ZNF320: variants seen among roughly 807,000 people sequenced by gnomAD.
ZNF320 encodes zinc finger protein 320, also known as zinc finger gene 320.
Under a neutral mutation model 6.8 loss-of-function variants are expected in ZNF320, and 2 were observed. The observed-to-expected ratio is 0.29, with a 90% CI of 0.12 to 0.93. The LOEUF (loss-of-function observed/expected upper bound fraction) is 0.93. Among genes scored for constraint, ZNF320 ranks in the 40% least tolerant of loss-of-function variants. The pLI, the probability that ZNF320 is intolerant of heterozygous loss-of-function variation, is 0.55. For missense variants in ZNF320, 472 were observed against 611.0 expected (o/e 0.77, Z 2.40); for synonymous variants, 208 against 203.2 (o/e 1.02, Z -0.20).
chr19:52,893,525 T>C (rs1467215164), intron 2 of ZNF320: 1 of 152,104 alleles, frequency 6.6e-6, no homozygotes, highest in African/African-American at 2.4e-5. Flanking sequence ...CACGCCCCTG[T>C]TGTCCCAGCT....
chr19:52,883,363 G>A (rs1047591850), intron 5 of ZNF320, among the ~76,000 whole-genome samples: 2 of 152,120 alleles, frequency 1.3e-5, no homozygotes, highest in African/African-American at 4.8e-5. Context: ...CCCAGCGGCA[G>A]TTTGTGACAT....
At chr19:52,865,618 T>C (rs1183473261) in intron 5 of ZNF320, among the ~76,000 whole-genome samples, 4 of 121,118 alleles carry the variant, frequency 3.3e-5, no homozygotes, top group Non-Finnish European at 6.5e-5. Flanking sequence ...ATTATACATA[T>C]ATATTTATAT....
downstream of ZNF320, among the ~76,000 whole-genome samples, chr19:52,871,908 G>A (rs369729985): frequency 2.6e-5 from 4 of 152,190 alleles, no homozygotes; most frequent in African/African-American, 7.2e-5. Flanking sequence ...GAAGCAACAC[G>A]TCATCACTTC....
intron 5 of ZNF320, among the ~76,000 whole-genome samples, chr19:52,886,781 C>A (rs187771276): frequency 6.6e-6 from 1 of 152,098 alleles, no homozygotes; most frequent in African/African-American, 2.4e-5. Context: ...ACTAAAAACA[C>A]AAAGTGAGCT....
At chr19:52,893,235 C>T (rs1363694788) in intron 2 of ZNF320, 1 of 152,072 alleles carries the variant, frequency 6.6e-6, no homozygotes, top group Non-Finnish European at 1.5e-5. Flanking sequence ...CCTTGTGTCA[C>T]CATATAGGCC....
At position 52,881,654 on chromosome 19, in the gene ZNF320, C is replaced by T; in HGVS notation, c.472G>A (p.Glu158Lys). 1.9e-6 allele frequency: 3 copies of T among 1,614,012 alleles called. No homozygotes were observed. Among genetic ancestry groups the T allele is most frequent in the Non-Finnish European group, 2.5e-6 (3 of 1,179,928 alleles). Residue 158 changes from glutamate (E) to lysine (K), a missense_variant, in exon 6 of 6, where the codon GAG (glutamate) becomes AAG (lysine). Around this residue, in one of 2 missense-constraint regions of ZNF320, gnomAD observed 462 missense variants for 559.7 expected, o/e 0.83. Coordinates refer to ENST00000682928, the MANE Select transcript of ZNF320 (RefSeq NM_001351774.2). ...CATTCTTCACATTTGTAAGGTTTCT[C>T]TCCAGTATGAATTCTCCTATGTCTT... Reference protein sequence around the residue: ...LRRHRRIHTGEKPYKCEECEK... With the variant: ...LRRHRRIHTGKKPYKCEECEK...
intron 5 of ZNF320, among the ~76,000 whole-genome samples, chr19:52,865,951 T>G (rs866898120): frequency 7.8e-6 from 1 of 128,044 alleles, no homozygotes; most frequent in African/African-American, 3.1e-5. Flanking sequence ...ATTTATATAT[T>G]ATACATATAT....
At chr19:52,872,962 T>C (rs1188747512), downstream of ZNF320, among the ~76,000 whole-genome samples, 1 of 152,220 alleles carries the variant, frequency 6.6e-6, no homozygotes. Flanking sequence ...GATGTGCATG[T>C]AGGCCAGGTT....
At chr19:52,859,976 A>C (rs144520317), downstream of ZNF320, among the ~76,000 whole-genome samples, 682 of 150,432 alleles carry the variant, frequency 4.5e-3, 6 homozygotes, top group African/African-American at 0.016. Context: ...GCAGTGGCGC[A>C]ATATCCGCTC....
upstream of ZNF320, among the ~76,000 whole-genome samples, chr19:52,901,761 G>A (rs950046904): frequency 2.6e-5 from 4 of 152,230 alleles, no homozygotes; most frequent in Non-Finnish European, 5.9e-5. Flanking sequence ...TTGCCTAAGA[G>A]TTAGCTTATC....
chr19:52,865,108 G>A (rs1039575880), intron 5 of ZNF320, among the ~76,000 whole-genome samples: 3 of 152,022 alleles, frequency 2.0e-5, no homozygotes, highest in Non-Finnish European at 4.4e-5. Flanking sequence ...GATCACCTGA[G>A]GTCAGGAGTT....
intron 5 of ZNF320, chr19:52,864,175 C>A: frequency 4.2e-6 from 1 of 240,076 alleles, no homozygotes; most frequent in Non-Finnish European, 8.7e-6. Context: ...ATGAGAAACA[C>A]GTTTAAATAA....
chr19:52,865,568 CATAT>C (rs1491293740), intron 5 of ZNF320: 2 of 86,678 alleles, frequency 2.3e-5, no homozygotes, highest in East Asian at 5.4e-4. Flanking sequence ...TATGATCATA[CATAT>C]ATATTTATAT....
chr19:52,860,017 A>G (rs1000648066), downstream of ZNF320, among the ~76,000 whole-genome samples: 8 of 149,380 alleles, frequency 5.4e-5, no homozygotes, highest in African/African-American at 1.7e-4. Flanking sequence ...GGTTCACGCC[A>G]TTCTCCTGCC....
intron 5 of ZNF320, chr19:52,865,470 T>TGTAA (rs1414636050): frequency 7.2e-4 from 29 of 40,336 alleles, no homozygotes; most frequent in African/African-American, 2.7e-3. Context: ...TATATATATA[T>TGTAA]TACATATATA....
exon 6 of ZNF320, chr19:52,862,053 T>A (rs188682754): frequency 5.3e-6 from 2 of 380,882 alleles, no homozygotes; most frequent in Non-Finnish European, 1.1e-5. Flanking sequence ...CTGCAAGTTA[T>A]GAACGATGTC....
At chr19:52,901,691 T>C (rs1171046410), upstream of ZNF320, among the ~76,000 whole-genome samples, 2 of 152,244 alleles carry the variant, frequency 1.3e-5, no homozygotes, top group East Asian at 3.8e-4. Context: ...CTAGTTAGTC[T>C]AGCGTTTATT....
At chr19:52,862,376 C>G (rs2063491139) in exon 6 of ZNF320, 2 of 498,852 alleles carry the variant, frequency 4.0e-6, no homozygotes, top group Non-Finnish European at 8.2e-6. Context: ...TATGAATTCA[C>G]CTATGTCTTT....
upstream of ZNF320, among the ~76,000 whole-genome samples, chr19:52,899,937 A>T (rs1027695402): frequency 2.0e-5 from 3 of 152,190 alleles, no homozygotes; most frequent in Non-Finnish European, 4.4e-5. Flanking sequence ...TTACAGTATT[A>T]TATAATTCTT....
Sources: gnomAD v4.1 joint callset for allele counts (sites outside exome capture counted in the v4.1 genomes callset) on GRCh38, gnomAD v4.1.1 for gene constraint, gnomAD v4.1.1 regional missense constraint, MANE v1.5 for transcripts, NCBI Gene and HGNC (gene_info 2026-07-23, HGNC 2026-07-21) for gene names.